The following LEPR variants were observed in gnomAD, a reference collection of about 807,000 sequenced individuals.
The protein encoded by LEPR is OB receptor.
Under a neutral mutation model 114.7 loss-of-function variants are expected in LEPR, and 56 were observed. That is an observed-to-expected ratio of 0.49 (90% CI 0.39 to 0.61). The LOEUF (loss-of-function observed/expected upper bound fraction) is 0.61, where lower values mean the gene tolerates loss of function less well. Ranked by LOEUF, LEPR falls within the 20% of genes least tolerant of loss-of-function variation. The pLI, the probability that LEPR is intolerant of heterozygous loss-of-function variation, is 0.00. For missense variants in LEPR, 1,202 were observed against 1,352.9 expected, an observed-to-expected ratio of 0.89 and a Z score of 1.75; for synonymous variants, 443 against 461.4, an observed-to-expected ratio of 0.96 and a Z score of 0.51.
intron 5 of LEPR, among the ~76,000 whole-genome samples, chr1:65,588,600 C>T (rs527398997): frequency 5.9e-5 from 9 of 152,198 alleles, no homozygotes; most frequent in African/African-American, 1.7e-4. Flanking sequence ...TCCTCCCACC[C>T]CACCTCTGTC....
At chr1:65,485,367 G>T (rs1647433643) in intron 2 of LEPR, among the ~76,000 whole-genome samples, 2 of 152,042 alleles carry the variant, frequency 1.3e-5, no homozygotes, top group African/African-American at 4.8e-5. Flanking sequence ...ATCATTATGT[G>T]CAGTAGGTGT....
chr1:65,614,525 C>T (rs749083584), intron 14 of LEPR, among the ~76,000 whole-genome samples: 25 of 152,152 alleles, frequency 1.6e-4, no homozygotes, highest in Non-Finnish European at 3.4e-4. Context: ...GCACTGTACT[C>T]TAGTTGATAC....
intron 2 of LEPR, among the ~76,000 whole-genome samples, chr1:65,564,009 T>G (rs1283464222): frequency 3.5e-5 from 5 of 144,724 alleles, no homozygotes; most frequent in Middle Eastern, 3.6e-3. Context: ...GTCTTTTTGT[T>G]TGTCTGTGCC....
At chr1:65,423,425 A>T (rs1488777722) in intron 1 of LEPR, among the ~76,000 whole-genome samples, 1 of 152,176 alleles carries the variant, frequency 6.6e-6, no homozygotes, top group Non-Finnish European at 1.5e-5. Context: ...GAACGTTGAG[A>T]AACTGGTATC....
intron 2 of LEPR, among the ~76,000 whole-genome samples, chr1:65,532,615 C>T (rs1263338607): frequency 6.6e-6 from 1 of 152,068 alleles, no homozygotes; most frequent in African/African-American, 2.4e-5. Flanking sequence ...GATAAACAAA[C>T]TGAGGTATAT....
rs1315870984 is a variant in LEPR at position 65,637,148 on chromosome 1, G to C, written c.*133G>C. On this transcript the variant is annotated 3_prime_UTR_variant, in exon 20 of 20. Transcript: ENST00000349533. Reference sequence around the variant, plus strand: ...TAATTGTTCCAAATGAATGTTGTCTGTTTGTTCTCTCTTAGTAACATAGAC... The same window carrying C: ...TAATTGTTCCAAATGAATGTTGTCTCTTTGTTCTCTCTTAGTAACATAGAC... 1.3e-5 allele frequency: 14 copies of C among 1,084,004 alleles called. No homozygotes were observed. Among genetic ancestry groups the C allele is most frequent in the Non-Finnish European group, 1.8e-5 (14 of 768,866 alleles). The allele number at this position is 1,084,004 out of a possible 1,614,324, so 67.1% of individuals were successfully genotyped here.
chr1:65,585,953 C>G (rs1457697594), intron 5 of LEPR, among the ~76,000 whole-genome samples: 2 of 151,942 alleles, frequency 1.3e-5, no homozygotes, highest in Non-Finnish European at 2.9e-5. Flanking sequence ...CAGGAAATAG[C>G]TAATGTTTTT....
At chr1:65,621,572 T>A in intron 18 of LEPR, 114 bp downstream of exon 18, 1 of 840,968 alleles carries the variant, frequency 1.2e-6, no homozygotes, top group Non-Finnish European at 2.0e-6. Flanking sequence ...CTTTTATATG[T>A]AGTCTGTATA....
intron 1 of LEPR, among the ~76,000 whole-genome samples, chr1:65,422,425 T>G (rs1044495013): frequency 6.6e-6 from 1 of 152,244 alleles, no homozygotes; most frequent in Non-Finnish European, 1.5e-5. Context: ...GTGGCGCTGC[T>G]GACACCTTGA....
intron 16 of LEPR, among the ~76,000 whole-genome samples, chr1:65,619,227 T>C (rs539284968): frequency 6.6e-6 from 1 of 152,334 alleles, no homozygotes. Flanking sequence ...TCATCACCAC[T>C]GATGCGCAGG....
chr1:65,443,863 A>C (rs1440375037), intron 2 of LEPR, among the ~76,000 whole-genome samples: 1 of 152,186 alleles, frequency 6.6e-6, no homozygotes, highest in East Asian at 1.9e-4. Context: ...GGTGAGGTAA[A>C]GAACAGACAC....
At chr1:65,462,162 C>T (rs944072120) in intron 2 of LEPR, among the ~76,000 whole-genome samples, 4 of 152,142 alleles carry the variant, frequency 2.6e-5, no homozygotes, top group Non-Finnish European at 4.4e-5. Context: ...TCCCCCCACC[C>T]GCCAACAGGC....
chr1:65,572,577 T>A, intron 5 of LEPR, 128 bp downstream of exon 5: 1 of 988,234 alleles, frequency 1.0e-6, no homozygotes, highest in Non-Finnish European at 1.4e-6. Context: ...TTTTTTAATA[T>A]AGCATTCTGC....
At chr1:65,438,604 C>A (rs1414240191) in intron 2 of LEPR, among the ~76,000 whole-genome samples, 1 of 151,302 alleles carries the variant, frequency 6.6e-6, no homozygotes, top group Non-Finnish European at 1.5e-5. Flanking sequence ...ATAAAGTGGC[C>A]CCTAATACAG....
intron 2 of LEPR, among the ~76,000 whole-genome samples, chr1:65,436,643 A>C (rs1646566590): frequency 6.6e-6 from 1 of 152,242 alleles, no homozygotes; most frequent in South Asian, 2.1e-4. Flanking sequence ...AATACGAGGC[A>C]CATAGGCAAA....
At chr1:65,472,411 A>AACACACAC (rs71721804) in intron 2 of LEPR, among the ~76,000 whole-genome samples, 2,192 of 133,262 alleles carry the variant, frequency 0.016, 32 homozygotes, top group Middle Eastern at 0.034. Context: ...CTGTGGCTAA[A>AACACACAC]ACACACACAC....
At chr1:65,459,848 C>G (rs963439645) in intron 2 of LEPR, among the ~76,000 whole-genome samples, 2 of 152,200 alleles carry the variant, frequency 1.3e-5, no homozygotes, top group Non-Finnish European at 2.9e-5. Context: ...ACACTCCAAG[C>G]TCATCTTACC....
chr1:65,613,751 C>T (rs1299972343), intron 14 of LEPR, among the ~76,000 whole-genome samples: 1 of 63,822 alleles, frequency 1.6e-5, no homozygotes, highest in Admixed American at 1.5e-4. Flanking sequence ...CAGAGCGAGA[C>T]TCCGTCTCAA....
At chr1:65,538,972 T>C (rs2100652412) in intron 2 of LEPR, among the ~76,000 whole-genome samples, 1 of 152,090 alleles carries the variant, frequency 6.6e-6, no homozygotes, top group African/African-American at 2.4e-5. Flanking sequence ...TTCTCCTTTC[T>C]ATTCTTTTTT....
Sources: allele counts gnomAD v4.1 joint callset (sites outside exome capture counted in the v4.1 genomes callset), GRCh38; gene constraint gnomAD v4.1.1; transcripts MANE v1.5; gene names NCBI Gene and HGNC (gene_info 2026-07-23, HGNC 2026-07-21).